TMEM217B: variants seen among roughly 807,000 people sequenced by gnomAD.
The protein encoded by TMEM217B is transmembrane protein 217B.
chr6:37,257,751 G>C, the TMEM217B span: 2 of 698,674 alleles, frequency 2.9e-6, no homozygotes, highest in Admixed American at 5.7e-5. Flanking sequence ...AATGGCAGCG[G>C]TGCTGGGTGG....
chr6:37,219,880 G>A, the TMEM217B span, among the ~76,000 whole-genome samples: 2 of 152,168 alleles, frequency 1.3e-5, no homozygotes, highest in Non-Finnish European at 2.9e-5. Context: ...CTGTTGGGTG[G>A]AGATGATAAA....
chr6:37,238,602 C>T, the TMEM217B span, among the ~76,000 whole-genome samples: 1 of 152,130 alleles, frequency 6.6e-6, no homozygotes, highest in South Asian at 2.1e-4. Flanking sequence ...TTTGCCTTTC[C>T]TGGTAAGAGA....
chr6:37,212,868 A>G, the TMEM217B span: 1 of 1,458,406 alleles, frequency 6.9e-7, no homozygotes, highest in Non-Finnish European at 9.4e-7. Context: ...ACTTGGCCTC[A>G]TAGCAAATGT....
At chr6:37,243,966 C>T in the TMEM217B span, among the ~76,000 whole-genome samples, 11 of 152,164 alleles carry the variant, frequency 7.2e-5, no homozygotes, top group African/African-American at 2.7e-4. Flanking sequence ...TCTGAAAAGA[C>T]GTCTCAAAAG....
chr6:37,213,870 T>C, the TMEM217B span, among the ~76,000 whole-genome samples: 1 of 152,220 alleles, frequency 6.6e-6, no homozygotes, highest in South Asian at 2.1e-4. Flanking sequence ...TTCACTACAC[T>C]GGCGAGCTAC....
chr6:37,245,927 G>A, the TMEM217B span, among the ~76,000 whole-genome samples: 2 of 152,074 alleles, frequency 1.3e-5, no homozygotes, highest in Middle Eastern at 3.4e-3. Flanking sequence ...AGCCTCCCGA[G>A]TAGCTGTAAT....
chr6:37,253,288 T>C, the TMEM217B span, among the ~76,000 whole-genome samples: 1 of 152,204 alleles, frequency 6.6e-6, no homozygotes, highest in Non-Finnish European at 1.5e-5. Context: ...CTGTTTATTA[T>C]TGGTTGCAAG....
the TMEM217B span, among the ~76,000 whole-genome samples, chr6:37,241,121 C>G: frequency 7.5e-6 from 1 of 134,164 alleles, no homozygotes; most frequent in Admixed American, 7.9e-5. Flanking sequence ...TTTTTTGAGA[C>G]AGGGTCTTGC....
chr6:37,214,648 C>T, the TMEM217B span, among the ~76,000 whole-genome samples: 2 of 152,194 alleles, frequency 1.3e-5, no homozygotes, highest in Non-Finnish European at 2.9e-5. Flanking sequence ...TATGAATTTG[C>T]CTGCTCTAGG....
the TMEM217B span, among the ~76,000 whole-genome samples, chr6:37,249,569 C>T: frequency 6.6e-6 from 1 of 152,204 alleles, no homozygotes; most frequent in African/African-American, 2.4e-5. Context: ...GATCCACCCA[C>T]CTCAGCCTCC....
the TMEM217B span, among the ~76,000 whole-genome samples, chr6:37,216,032 T>TGTGTGTGTGA: frequency 1.4e-5 from 2 of 138,454 alleles, no homozygotes; most frequent in African/African-American, 5.3e-5. Context: ...TGTGTGTGTG[T>TGTGTGTGTGA]GAGAAACAGA....
At chr6:37,255,071 C>T in the TMEM217B span, among the ~76,000 whole-genome samples, 1 of 152,170 alleles carries the variant, frequency 6.6e-6, no homozygotes, top group Admixed American at 6.5e-5. Context: ...CCACTCACCT[C>T]CTGCTGTGCG....
chr6:37,227,245 T>C, the TMEM217B span, among the ~76,000 whole-genome samples: 1 of 152,226 alleles, frequency 6.6e-6, no homozygotes, highest in East Asian at 1.9e-4. Context: ...GAGTAGGCCT[T>C]TGGTCAGTGT....
the TMEM217B span, among the ~76,000 whole-genome samples, chr6:37,242,513 CAA>C: frequency 1.3e-5 from 2 of 152,142 alleles, no homozygotes; most frequent in Non-Finnish European, 2.9e-5. Flanking sequence ...CTTAAGCCTA[CAA>C]AGAGAAAAGC....
the TMEM217B span, among the ~76,000 whole-genome samples, chr6:37,223,740 C>T: frequency 6.6e-6 from 1 of 152,136 alleles, no homozygotes; most frequent in Admixed American, 6.5e-5. Flanking sequence ...AACTCCTGAC[C>T]TCAGGTGATC....
chr6:37,218,207 T>G, the TMEM217B span: 1 of 1,301,636 alleles, frequency 7.7e-7, no homozygotes. Flanking sequence ...TCTTACTCTG[T>G]CACTCAGGCT....
chr6:37,215,106 A>C, the TMEM217B span: 2 of 1,531,918 alleles, frequency 1.3e-6, no homozygotes, highest in East Asian at 4.7e-5. Flanking sequence ...CACCCTCGGC[A>C]CCTCTCTCTT....
At chr6:37,241,030 A>G in the TMEM217B span, among the ~76,000 whole-genome samples, 1 of 151,898 alleles carries the variant, frequency 6.6e-6, no homozygotes, top group South Asian at 2.1e-4. Flanking sequence ...TTTACTTAAT[A>G]TATTAATGTA....
chr6:37,219,334 C>A, the TMEM217B span, among the ~76,000 whole-genome samples: 1 of 152,160 alleles, frequency 6.6e-6, no homozygotes, highest in Non-Finnish European at 1.5e-5. Flanking sequence ...CCACCACAGA[C>A]CAATCACAAC....
Sources: gnomAD v4.1 joint callset for allele counts (sites outside exome capture counted in the v4.1 genomes callset) on GRCh38, gnomAD v4.1.1 for gene constraint, MANE v1.5 for transcripts, NCBI Gene and HGNC (gene_info 2026-07-23, HGNC 2026-07-21) for gene names.